The following SPAG16 variants were observed in gnomAD, a reference collection of about 807,000 sequenced individuals.
SPAG16 encodes sperm-associated antigen 16 protein.
A neutral mutation model predicts 80.4 loss-of-function variants in SPAG16; 86 were observed. That is an observed-to-expected ratio of 1.07 (90% CI 0.90 to 1.28). The LOEUF (loss-of-function observed/expected upper bound fraction) is 1.28. Ranked by LOEUF, SPAG16 falls within the 50% of genes most tolerant of loss-of-function variation. SPAG16 has a pLI of 0.00. For missense variants in SPAG16, 870 were observed against 765.3 expected (o/e 1.14, Z -1.61); for synonymous variants, 294 against 265.9 (o/e 1.11, Z -1.03).
At chr2:213,904,291 G>T (rs1287085610) in intron 11 of SPAG16, among the ~76,000 whole-genome samples, 1 of 152,094 alleles carries the variant, frequency 6.6e-6, no homozygotes. Context: ...AGGTTTAATT[G>T]GACTTACATA....
At chr2:213,853,568 A>G (rs909615875) in intron 10 of SPAG16, among the ~76,000 whole-genome samples, 2 of 152,202 alleles carry the variant, frequency 1.3e-5, no homozygotes, top group Admixed American at 1.3e-4. Flanking sequence ...ACTAGCATTC[A>G]CCCACATTGT....
At chr2:214,066,350 T>C (rs754719942) in intron 13 of SPAG16, among the ~76,000 whole-genome samples, 3 of 152,176 alleles carry the variant, frequency 2.0e-5, no homozygotes, top group South Asian at 2.1e-4. Flanking sequence ...TCTTCCTTTG[T>C]TATCAGTCAA....
chr2:213,972,293 A>G (rs2045109719), intron 12 of SPAG16, among the ~76,000 whole-genome samples: 1 of 150,742 alleles, frequency 6.6e-6, no homozygotes, highest in South Asian at 2.1e-4. Flanking sequence ...ATATAAATAT[A>G]TATAATATAA....
At chr2:213,519,485 A>T (rs2125842588) in intron 10 of SPAG16, among the ~76,000 whole-genome samples, 1 of 152,270 alleles carries the variant, frequency 6.6e-6, no homozygotes, top group East Asian at 1.9e-4. Context: ...TTTCCTGCAA[A>T]AGCTCTTTGC....
chr2:214,205,918 G>A (rs1017898948), intron 15 of SPAG16, among the ~76,000 whole-genome samples: 4 of 152,100 alleles, frequency 2.6e-5, no homozygotes, highest in Non-Finnish European at 5.9e-5. Flanking sequence ...ATAACTGGCC[G>A]GGCGCAGTGG....
intron 12 of SPAG16, among the ~76,000 whole-genome samples, chr2:213,953,525 C>T (rs2043960708): frequency 6.6e-6 from 1 of 151,428 alleles, no homozygotes. Context: ...TCTTTATACA[C>T]ACAGAGACAC....
intron 15 of SPAG16, among the ~76,000 whole-genome samples, chr2:214,229,202 T>C (rs1247459786): frequency 6.9e-6 from 1 of 145,296 alleles, no homozygotes; most frequent in Admixed American, 6.9e-5. Context: ...ATATAAAGGA[T>C]GTAAAGGTCA....
chr2:214,140,945 G>GT (rs1559839210), intron 14 of SPAG16, among the ~76,000 whole-genome samples: 3 of 39,906 alleles, frequency 7.5e-5, no homozygotes, highest in Admixed American at 3.0e-4. Flanking sequence ...GGGGGGGGGG[G>GT]GTGGGGGGTG....
chr2:213,604,593 G>A (rs2061187993), intron 10 of SPAG16, among the ~76,000 whole-genome samples: 1 of 151,868 alleles, frequency 6.6e-6, no homozygotes, highest in African/African-American at 2.4e-5. Flanking sequence ...AAACTTATGG[G>A]CACTGTCTTA....
At chr2:213,701,638 C>T (rs997401174) in intron 10 of SPAG16, among the ~76,000 whole-genome samples, 1 of 152,194 alleles carries the variant, frequency 6.6e-6, no homozygotes, top group Non-Finnish European at 1.5e-5. Flanking sequence ...TGGTAGGCAG[C>T]TCCACCCGCA....
At chr2:213,637,370 A>G (rs1449743902) in intron 10 of SPAG16, among the ~76,000 whole-genome samples, 1 of 152,124 alleles carries the variant, frequency 6.6e-6, no homozygotes, top group Non-Finnish European at 1.5e-5. Context: ...TTTTGCATCT[A>G]TGTTTATCAG....
chr2:213,693,668 CAGTGGGCCAAG>C (rs1559381785), intron 10 of SPAG16, among the ~76,000 whole-genome samples: 2 of 152,146 alleles, frequency 1.3e-5, no homozygotes, highest in Non-Finnish European at 2.9e-5. Flanking sequence ...GTCAAGTCAA[CAGTGGGCCAAG>C]TTGCCTCTGT....
intron 15 of SPAG16, among the ~76,000 whole-genome samples, chr2:214,220,081 T>C (rs2058528761): frequency 6.6e-6 from 1 of 152,104 alleles, no homozygotes; most frequent in Non-Finnish European, 1.5e-5. Context: ...ATATTAACTT[T>C]AATAGAATAC....
intron 14 of SPAG16, among the ~76,000 whole-genome samples, chr2:214,131,896 C>T (rs562294609): frequency 5.9e-5 from 9 of 152,148 alleles, no homozygotes; most frequent in Non-Finnish European, 1.2e-4. Flanking sequence ...ACCCATAGAA[C>T]GTACACCACC....
At chr2:214,350,064 C>A (rs1698298444) in intron 15 of SPAG16, among the ~76,000 whole-genome samples, 1 of 152,164 alleles carries the variant, frequency 6.6e-6, no homozygotes, top group East Asian at 1.9e-4. Flanking sequence ...TGCTATTCTT[C>A]TGTATGTAAT....
intron 9 of SPAG16, among the ~76,000 whole-genome samples, chr2:213,391,456 T>C (rs1474955659): frequency 6.6e-6 from 1 of 152,194 alleles, no homozygotes; most frequent in East Asian, 1.9e-4. Flanking sequence ...AAGCCTAATA[T>C]GTATTTTAGA....
At chr2:213,873,606 T>C (rs570764774) in intron 11 of SPAG16, among the ~76,000 whole-genome samples, 13 of 152,160 alleles carry the variant, frequency 8.5e-5, no homozygotes, top group African/African-American at 2.9e-4. Flanking sequence ...TTTGTTCTTT[T>C]TAAATGTACC....
intron 15 of SPAG16, among the ~76,000 whole-genome samples, chr2:214,368,914 T>G (rs1383121111): frequency 6.6e-6 from 1 of 152,040 alleles, no homozygotes; most frequent in Non-Finnish European, 1.5e-5. Context: ...CTCTTTCATA[T>G]CCCCTTAATC....
chr2:213,738,484 G>A (rs1308477669), intron 10 of SPAG16, among the ~76,000 whole-genome samples: 1 of 152,092 alleles, frequency 6.6e-6, no homozygotes, highest in Non-Finnish European at 1.5e-5. Context: ...TTTCATAACA[G>A]TAGCTACATT....
Sources: allele counts gnomAD v4.1 joint callset (sites outside exome capture counted in the v4.1 genomes callset), GRCh38; gene constraint gnomAD v4.1.1; transcripts MANE v1.5; gene names NCBI Gene and HGNC (gene_info 2026-07-23, HGNC 2026-07-21).